SUCLA2: variants seen among roughly 807,000 people sequenced by gnomAD.
The protein encoded by SUCLA2 is succinate--CoA ligase [ADP-forming] subunit beta, mitochondrial.
In SUCLA2, 30 loss-of-function variants were observed where a neutral mutation model predicts 54.8. The ratio of observed to expected loss-of-function variants is 0.55; its 90% CI spans 0.41 to 0.74. The LOEUF is 0.74. Ranked by LOEUF, SUCLA2 falls within the 30% of genes least tolerant of loss-of-function variation. SUCLA2 has a pLI of 0.00. For missense variants in SUCLA2, 476 were observed against 562.9 expected (o/e 0.85, Z 1.56); for synonymous variants, 172 against 188.9 (o/e 0.91, Z 0.74).
chr13:47,967,708 G>C (rs1336771734), intron 6 of SUCLA2, among the ~76,000 whole-genome samples: 1 of 151,926 alleles, frequency 6.6e-6, no homozygotes, highest in Non-Finnish European at 1.5e-5. Context: ...TCCAGGCGCG[G>C]TGGTGCATGC....
At chr13:47,965,153 C>T (rs936142073) in intron 6 of SUCLA2, among the ~76,000 whole-genome samples, 8 of 151,632 alleles carry the variant, frequency 5.3e-5, no homozygotes, top group Admixed American at 2.6e-4. Flanking sequence ...AAAGCTCTTC[C>T]GTATAATACA....
chr13:47,988,266 T>G (rs867463614), intron 4 of SUCLA2: 3 of 510,684 alleles, frequency 5.9e-6, no homozygotes, highest in Non-Finnish European at 1.0e-5. Context: ...CAGAGATGAT[T>G]TAAGCTGCTT....
At chr13:47,959,359 C>CTTGTATGGTAAA (rs71099648) in intron 6 of SUCLA2, among the ~76,000 whole-genome samples, 141,290 of 151,016 alleles carry the variant, frequency 0.94, 66,129 homozygotes, top group East Asian at 1. Flanking sequence ...GTGAAAAGAT[C>CTTGTATGGTAAA]TTGCTGTCCT....
intron 10 of SUCLA2, among the ~76,000 whole-genome samples, chr13:47,947,881 C>T (rs775164967): frequency 6.6e-6 from 1 of 152,146 alleles, no homozygotes; most frequent in African/African-American, 2.4e-5. Flanking sequence ...ACAGAAAATA[C>T]TTTTCTTTTT....
At chr13:47,958,742 C>T (rs1422052125) in intron 6 of SUCLA2, among the ~76,000 whole-genome samples, 1 of 152,028 alleles carries the variant, frequency 6.6e-6, no homozygotes, top group Non-Finnish European at 1.5e-5. Flanking sequence ...GGTGAAAATG[C>T]CTATGTAGTT....
chr13:47,963,273 A>T (rs1949887049), intron 6 of SUCLA2, among the ~76,000 whole-genome samples: 3 of 152,190 alleles, frequency 2.0e-5, no homozygotes, highest in Admixed American at 2.0e-4. Context: ...AAACATAGAA[A>T]GTGGTAAAGC....
Position 47,943,189 on chromosome 13 carries a change from TACAA to T in SUCLA2, c.*178_*181del, listed in dbSNP as rs1275606626. The T allele has an allele frequency of 2.2e-5, 15 of 669,856 alleles. No individual in the cohort carries two copies. The Admixed American group carries it at 3.6e-4, about 16-fold the overall frequency. The allele number at this position is 669,856 out of a possible 1,614,324, so 41.5% of individuals were successfully genotyped here. A position where few individuals can be genotyped will look rare whatever the true frequency, so the allele number is the denominator to read the frequency against. On this transcript the variant is annotated 3_prime_UTR_variant, in exon 11 of 11. Coordinates refer to ENST00000646932, the MANE Select transcript of SUCLA2 (RefSeq NM_003850.3). Reference sequence around the variant, plus strand: ...AGATAACTGCATTATACATGCTTCGTACAAACAGTCCATTCTGAATGGTACAATT... The same window carrying T: ...AGATAACTGCATTATACATGCTTCGTACAGTCCATTCTGAATGGTACAATT...
chr13:47,988,930 T>C lies in SUCLA2; in HGVS notation c.323A>G (p.Lys108Arg). ...TTTGAGGCCACTTTCAAATGTTCCT[T>C]TTCCTCTACCACCAGCTAAAACCTG... ...KAQVLAGGRG[K>R]GTFESGLKGG... is the part of the protein sequence containing the mutation. Residue 108 changes from lysine to arginine, a missense_variant, in exon 3 of 11, where the codon AAA becomes AGA. Transcript: ENST00000646932. 6.2e-7 allele frequency: 1 copy of C among 1,613,584 alleles called. No homozygotes were observed. Among genetic ancestry groups the C allele is most frequent in the Non-Finnish European group, 8.5e-7 (1 of 1,179,988 alleles).
chr13:47,964,189 T>TAA (rs1949896811), intron 6 of SUCLA2, among the ~76,000 whole-genome samples: 1 of 152,012 alleles, frequency 6.6e-6, no homozygotes, highest in African/African-American at 2.4e-5. Flanking sequence ...TTATGTATAG[T>TAA]AAAAAGGTCA....
Position 47,968,608 on chromosome 13 carries a change from A to G in SUCLA2, c.789T>C (p.Asp263=), listed in dbSNP as rs57270175. Residue 263 remains aspartate (D), a synonymous_variant, in exon 6 of 11, where the codon GAT becomes GAC. Coordinates refer to ENST00000646932, the MANE Select transcript of SUCLA2 (RefSeq NM_003850.3). ...AAGATACTTTACCAGCTCCATCTGAATCTTCCACCATTGGATTTATTTCTA... is the reference window on the plus strand; with the variant it reads ...AAGATACTTTACCAGCTCCATCTGAGTCTTCCACCATTGGATTTATTTCTA... The part of the protein sequence containing the change: ...TMIEINPMVE[D]SDGAVLCMDA... 1,365 of 1,611,704 alleles carry G rather than the reference A, an allele frequency of 8.5e-4. 10 individuals are homozygous for G. The African/African-American group carries it at 0.015, about 18-fold the overall frequency.
intron 10 of SUCLA2, among the ~76,000 whole-genome samples, chr13:47,943,782 T>TATATATATATATATA (rs879679737): frequency 1.6e-4 from 19 of 118,780 alleles, no homozygotes; most frequent in African/African-American, 4.9e-4. Flanking sequence ...ATATATATAT[T>TATATATATATATATA]ATTCTAAATT....
chr13:47,997,897 CTGCACTA>C (rs1950202319), intron 1 of SUCLA2, among the ~76,000 whole-genome samples: 1 of 152,186 alleles, frequency 6.6e-6, no homozygotes, highest in Non-Finnish European at 1.5e-5. Flanking sequence ...CCATTCTCAA[CTGCACTA>C]TTAGAATCTC....
chr13:47,991,566 A>T (rs1295916549), intron 2 of SUCLA2: 2 of 152,232 alleles, frequency 1.3e-5, no homozygotes, highest in East Asian at 3.8e-4. Flanking sequence ...TCTTACATAT[A>T]TCATTTGTTG....
chr13:47,992,316 TAA>T (rs1324137895), intron 2 of SUCLA2, among the ~76,000 whole-genome samples: 1 of 120,698 alleles, frequency 8.3e-6, no homozygotes, highest in Non-Finnish European at 1.6e-5. Flanking sequence ...TTTAGGAATA[TAA>T]AGTCTTTAAG....
At position 47,991,169 on chromosome 13, in the gene SUCLA2, T is replaced by C. The variant is rs77566607; in HGVS notation, c.272-2188A>G. Among the ~76,000 whole-genome samples, 610 of 152,282 alleles carry C rather than the reference T, an allele frequency of 4.0e-3. 2 individuals are homozygous for C. Among genetic ancestry groups the C allele is most frequent in the African/African-American group, 0.014 (590 of 41,528 alleles). On this transcript the variant is annotated intron_variant, in intron 2 of 10. Coordinates refer to ENST00000646932, the MANE Select transcript of SUCLA2 (RefSeq NM_003850.3). ...GCAGCAGCCAAAGCAGGCACACCAT[T>C]CCTCTACTTAAAACCTTGCACTGAA...
At chr13:47,972,152 G>A (rs1012674272) in intron 5 of SUCLA2, 2 of 305,648 alleles carry the variant, frequency 6.5e-6, no homozygotes, top group Non-Finnish European at 1.2e-5. Flanking sequence ...CTAGTCGGTA[G>A]GCTGAGGCAG....
At chr13:47,969,033 T>C (rs139126133) in intron 5 of SUCLA2, among the ~76,000 whole-genome samples, 33 of 152,318 alleles carry the variant, frequency 2.2e-4, no homozygotes, top group African/African-American at 7.9e-4. Flanking sequence ...TAAGCTTTAC[T>C]GCCAACCTAA....
chr13:47,965,674 A>T (rs1949912498), intron 6 of SUCLA2: 1 of 398,502 alleles, frequency 2.5e-6, no homozygotes, highest in Non-Finnish European at 4.4e-6. Context: ...CATCAGTAGG[A>T]CAGCTGGCTA....
At chr13:47,991,580 T>C (rs539797197) in intron 2 of SUCLA2, 1 of 152,370 alleles carries the variant, frequency 6.6e-6, no homozygotes, top group African/African-American at 2.4e-5. Flanking sequence ...TTTGTTGTTT[T>C]GCTTCCCCAT....
Sources: gnomAD v4.1 joint callset for allele counts (sites outside exome capture counted in the v4.1 genomes callset) on GRCh38, gnomAD v4.1.1 for gene constraint, MANE v1.5 for transcripts, NCBI Gene and HGNC (gene_info 2026-07-23, HGNC 2026-07-21) for gene names.